Variants in ZNF268 observed in about 807,000 individuals in gnomAD.
The protein encoded by ZNF268 is zinc finger protein 3.
ZNF268 carries 20 observed loss-of-function variants against 29.3 expected under a neutral mutation model. The observed-to-expected ratio is 0.68, with a 90% CI of 0.48 to 0.99. The LOEUF (loss-of-function observed/expected upper bound fraction) is 0.99. ZNF268 is among the 50% of genes least tolerant of loss of function. The pLI is 0.00. For synonymous variants in ZNF268, 429 were observed against 376.9 expected, an observed-to-expected ratio of 1.14 and a Z score of -1.60; for missense variants, 1,240 against 1,121.6, an observed-to-expected ratio of 1.11 and a Z score of -1.51.
chr12:133,204,178 C>G lies in ZNF268; in HGVS notation c.2492C>G (p.Ala831Gly). 1 of 1,540,874 alleles carries G rather than the reference C, an allele frequency of 6.5e-7. No individual in the cohort carries two copies. Among genetic ancestry groups the G allele is most frequent in the Non-Finnish European group, 8.7e-7 (1 of 1,147,138 alleles). ...CTCATTGTACATGAGCGAACTCATG[C>G]AGGGGTCAACCCTTATAAATGCAGT... Reference protein sequence around the residue: ...SLLIVHERTHAGVNPYKCSQC... With the variant: ...SLLIVHERTHGGVNPYKCSQC... Residue 831 changes from alanine to glycine, a missense_variant, in exon 6 of 6, where the codon GCA (alanine) becomes GGA (glycine). By Grantham distance (60) the Ala-to-Gly change is moderately conservative (BLOSUM62 0). Around this residue, in one of 3 missense-constraint regions of ZNF268, gnomAD observed 1,177 missense variants for 1,039.6 expected, o/e 1.13. Transcript: ENST00000536435.
Position 133,202,621 on chromosome 12 carries a change from A to G in ZNF268, c.935A>G (p.Asp312Gly). Residue 312 changes from aspartate to glycine, a missense_variant, in exon 6 of 6, where the codon GAC becomes GGC. Physicochemically the swap from Asp to Gly is moderately conservative, Grantham distance 94. Transcript: ENST00000536435. ...KPYGCNECGKDFSSKSYLIVH... is the reference protein window; with the variant it reads ...KPYGCNECGKGFSSKSYLIVH... ...TATGGTTGTAATGAATGTGGGAAAGACTTCAGTAGTAAATCATACCTCATT... is the reference window on the plus strand; with the variant it reads ...TATGGTTGTAATGAATGTGGGAAAGGCTTCAGTAGTAAATCATACCTCATT... 6.2e-7 allele frequency: 1 copy of G among 1,604,924 alleles called. No homozygotes were observed. Among genetic ancestry groups the G allele is most frequent in the Non-Finnish European group, 8.5e-7 (1 of 1,175,164 alleles).
At chr12:133,184,489 A>T (rs1956258707) in intron 2 of ZNF268, among the ~76,000 whole-genome samples, 1 of 152,160 alleles carries the variant, frequency 6.6e-6, no homozygotes, top group Admixed American at 6.5e-5. Flanking sequence ...CTGTGTCCTC[A>T]CATGGCCAAA....
rs1036357480 is a variant in ZNF268, at chr12:133,191,510, G to T, written c.256G>T (p.Val86Leu). Residue 86 changes from valine (V) to leucine (L), a missense_variant, in exon 4 of 6, where the codon GTG (valine) becomes TTG (leucine). Physicochemically the swap from Val to Leu is conservative, Grantham distance 32 (BLOSUM62 1). Coordinates refer to ENST00000536435, the MANE Select transcript of ZNF268 (RefSeq NM_003415.3). Reference sequence around the variant, plus strand: ...TCAGGGACCTTTGTCATTCATGGATGTGTTTGTGGATTTTACCTGGGAGGA... The same window carrying T: ...TCAGGGACCTTTGTCATTCATGGATTTGTTTGTGGATTTTACCTGGGAGGA... The part of the protein sequence containing the change: ...KSWGPLSFMD[V>L]FVDFTWEEWQ... The T allele has an allele frequency of 6.2e-7, 1 of 1,613,942 alleles. No individual in the cohort carries two copies. The highest frequency in any genetic ancestry group is 8.5e-7 in the Non-Finnish European group (1 of 1,179,964).
At chr12:133,193,721 G>A (rs190037942) in intron 5 of ZNF268, among the ~76,000 whole-genome samples, 119 of 152,234 alleles carry the variant, frequency 7.8e-4, no homozygotes, top group Admixed American at 1.4e-3. Flanking sequence ...ACTTCCATTC[G>A]GAAGATTGAA....
At chr12:133,199,904 C>T (rs1035747285) in intron 5 of ZNF268, among the ~76,000 whole-genome samples, 5 of 151,962 alleles carry the variant, frequency 3.3e-5, no homozygotes, top group East Asian at 1.9e-4. Context: ...TTTTTTATTG[C>T]GTCTATTTTA....
intron 4 of ZNF268, 143 bp from the exon 5 acceptor site, chr12:133,191,765 T>A: frequency 6.9e-7 from 1 of 1,439,856 alleles, no homozygotes; most frequent in Non-Finnish European, 9.7e-7. Flanking sequence ...CAGCAGAGTA[T>A]GCCAGTTGAA....
Position 133,202,286 on chromosome 12 carries a change from T to A in ZNF268, c.600T>A (p.Pro200=), listed in dbSNP as rs1956771053. Residue 200 remains proline (P), a synonymous_variant, in exon 6 of 6, where the codon CCT becomes CCA. Transcript: ENST00000536435. The stretch of plus-strand genomic sequence containing the variant: ...CAAAGTATCTTTCAAGACAAAAACC[T>A]CATAAATGTGGCACGCATGGAAAGA... ...LSTKYLSRQK[P]HKCGTHGKSL... is the part of the protein sequence containing the mutation. 1 of 1,612,682 alleles carries A rather than the reference T, an allele frequency of 6.2e-7. No individual in the cohort carries two copies. Among genetic ancestry groups the A allele is most frequent in the Non-Finnish European group, 8.5e-7 (1 of 1,179,262 alleles).
Position 133,203,551 on chromosome 12 carries a change from A to C in ZNF268, c.1865A>C (p.Asn622Thr), listed in dbSNP as rs1956811805. 6.4e-7 allele frequency: 1 copy of C among 1,555,188 alleles called. No homozygotes were observed. Among genetic ancestry groups the C allele is most frequent in the African/African-American group, 1.4e-5 (1 of 73,392 alleles). Residue 622 changes from asparagine (N) to threonine (T), a missense_variant, in exon 6 of 6, where the codon AAT (asparagine) becomes ACT (threonine). By Grantham distance (65) the Asn-to-Thr change is moderately conservative (BLOSUM62 0). This residue lies in a region of ZNF268 where 1,177 missense variants were observed against 1,039.6 expected (regional missense o/e 1.13). Coordinates refer to ENST00000536435, the MANE Select transcript of ZNF268 (RefSeq NM_003415.3). ...TGTAGTGAGTGTCAGAAAGCCTTTA[A>C]TACAAAGTCAAACCTGATTGTACAT... ...FECSECQKAFNTKSNLIVHQR... is the reference protein window; with the variant it reads ...FECSECQKAFTTKSNLIVHQR...
chr12:133,195,798 A>G (rs1275272304), intron 5 of ZNF268, among the ~76,000 whole-genome samples: 2 of 151,258 alleles, frequency 1.3e-5, no homozygotes, highest in African/African-American at 4.9e-5. Flanking sequence ...ACTCACTGCA[A>G]CCTCCACCTC....
chr12:133,192,543 CCCTTT>C (rs1455717198), intron 5 of ZNF268, among the ~76,000 whole-genome samples: 2 of 152,188 alleles, frequency 1.3e-5, no homozygotes, highest in East Asian at 1.9e-4. Flanking sequence ...CATGATCCTT[CCCTTT>C]CCTTTCTACA....
Position 133,204,869 on chromosome 12 carries a change from T to A in ZNF268, c.*339T>A. The A allele has an allele frequency of 5.0e-6, 1 of 199,216 alleles. No homozygotes were observed. Among genetic ancestry groups the A allele is most frequent in the Non-Finnish European group, 1.0e-5 (1 of 98,822 alleles). The allele number at this position is 199,216 out of a possible 1,614,324, so 12.3% of individuals were successfully genotyped here. On this transcript the variant is annotated 3_prime_UTR_variant, in exon 6 of 6. Coordinates refer to ENST00000536435, the MANE Select transcript of ZNF268 (RefSeq NM_003415.3). ...TAAGATTCACAAAGAGGAAACTTCA[T>A]GAACCAGATGAATATAGAATAGACT...
Position 133,202,818 on chromosome 12 carries a change from C to T in ZNF268, c.1132C>T (p.His378Tyr). The change falls in exon 6 of 6, where the codon CAC (histidine) becomes TAC (tyrosine). Residue 378 changes from histidine to tyrosine, a missense_variant. Transcript: ENST00000536435. ...CAGTAGGAAAGACCAGCTTGTTTCA[C>T]ACCAGAAAACTCATTCAGGACAGAA... ...VFSRKDQLVS[H>Y]QKTHSGQKPY... 6.2e-7 allele frequency: 1 copy of T among 1,602,860 alleles called. No individual in the cohort carries two copies. Among genetic ancestry groups the T allele is most frequent in the Non-Finnish European group, 8.5e-7 (1 of 1,176,854 alleles).
At chr12:133,200,902 C>T (rs1956737574) in intron 5 of ZNF268, among the ~76,000 whole-genome samples, 1 of 152,026 alleles carries the variant, frequency 6.6e-6, no homozygotes, top group Admixed American at 6.6e-5. Context: ...TTTCACTCTC[C>T]TCCCTCCATA....
chr12:133,188,577 A>G (rs560360753), intron 3 of ZNF268, among the ~76,000 whole-genome samples: 12 of 151,498 alleles, frequency 7.9e-5, no homozygotes, highest in Admixed American at 6.6e-4. Context: ...CTCATACTCA[A>G]TTTTCATCTC....
Position 133,202,326 on chromosome 12 carries a change from G to A in ZNF268, c.640G>A (p.Asp214Asn), listed in dbSNP as rs1264867330. 1.9e-6 allele frequency: 3 copies of A among 1,611,628 alleles called. No homozygotes were observed. In the African/African-American group the frequency reaches 4.0e-5, roughly 22 times the overall value. ...GTHGKSLKYI[D>N]FTSDYARNNP... ...GCATGGAAAGAGTTTGAAATATATA[G>A]ATTTCACTAGTGATTATGCTAGAAA... The change falls in exon 6 of 6, where the codon GAT becomes AAT. Residue 214 changes from aspartate to asparagine, a missense_variant. Coordinates refer to ENST00000536435, the MANE Select transcript of ZNF268 (RefSeq NM_003415.3).
Position 133,212,426 on chromosome 12 carries a change from G to A in ZNF268, c.*7896G>A, listed in dbSNP as rs1194469376. 1 of 130,902 alleles carries A rather than the reference G, an allele frequency of 7.6e-6. No homozygotes were observed. The highest frequency in any genetic ancestry group is 1.6e-5 in the Non-Finnish European group (1 of 62,354). 8.1% of individuals were successfully genotyped at this position (130,902 alleles called of 1,614,324 possible). A position where few individuals can be genotyped will look rare whatever the true frequency, so the allele number is the denominator to read the frequency against. On this transcript the variant is annotated 3_prime_UTR_variant, in exon 6 of 6. Coordinates refer to ENST00000536435, the MANE Select transcript of ZNF268 (RefSeq NM_003415.3). The stretch of plus-strand genomic sequence containing the variant: ...AATTATTTCAGGATCAGTTCCAAGG[G>A]AGACTTTCATGTGTGATTTTATATA...
At position 133,202,541 on chromosome 12, in the gene ZNF268, C is replaced by A; in HGVS notation, c.855C>A (p.Phe285Leu). Residue 285 changes from phenylalanine to leucine, a missense_variant, in exon 6 of 6, where the codon TTC (phenylalanine) becomes TTA (leucine). Around this residue, in one of 3 missense-constraint regions of ZNF268, gnomAD observed 1,177 missense variants for 1,039.6 expected, o/e 1.13. Coordinates refer to ENST00000536435, the MANE Select transcript of ZNF268 (RefSeq NM_003415.3). ...GATGCAGCTGTTGTGAGAAAGCCTT[C>A]AGCAGCAAGTCATACCTTCTAGTGC... Reference protein sequence around the residue: ...PFGCSCCEKAFSSKSYLLVHQ... With the variant: ...PFGCSCCEKALSSKSYLLVHQ... 6.2e-7 allele frequency: 1 copy of A among 1,611,506 alleles called. No homozygotes were observed. Among genetic ancestry groups the A allele is most frequent in the Non-Finnish European group, 8.5e-7 (1 of 1,178,704 alleles).
chr12:133,190,665 A>C (rs1043999782), intron 3 of ZNF268, among the ~76,000 whole-genome samples: 1 of 152,142 alleles, frequency 6.6e-6, no homozygotes, highest in Non-Finnish European at 1.5e-5. Flanking sequence ...ATAAAGTTTT[A>C]ATGTGTCTTC....
At chr12:133,182,422 C>G (rs1048833518) in intron 2 of ZNF268, among the ~76,000 whole-genome samples, 2 of 151,752 alleles carry the variant, frequency 1.3e-5, no homozygotes, top group Non-Finnish European at 2.9e-5. Flanking sequence ...TTTGCTGGAC[C>G]CTGGGGCAGG....
Sources: allele counts gnomAD v4.1 joint callset (sites outside exome capture counted in the v4.1 genomes callset), GRCh38; gene constraint gnomAD v4.1.1; regional missense constraint gnomAD v4.1.1; transcripts MANE v1.5; gene names NCBI Gene and HGNC (gene_info 2026-07-23, HGNC 2026-07-21).